ANKRD66: variants seen among roughly 807,000 people sequenced by gnomAD.
ANKRD66 encodes ankyrin repeat domain-containing protein 66.
A neutral mutation model predicts 10.9 loss-of-function variants in ANKRD66; 10 were observed. That is an observed-to-expected ratio of 0.91 (90% CI 0.56 to 1.55). The LOEUF is 1.55. ANKRD66 is among the 40% of genes most tolerant of loss of function. The pLI is 0.00. For missense variants in ANKRD66, 252 were observed against 242.9 expected (o/e 1.04, Z -0.25); for synonymous variants, 85 against 88.4 (o/e 0.96, Z 0.22).
At chr6:46,754,840 A>G (rs1766349424) in intron 4 of ANKRD66, among the ~76,000 whole-genome samples, 1 of 152,198 alleles carries the variant, frequency 6.6e-6, no homozygotes, top group Non-Finnish European at 1.5e-5. Context: ...TGCTTTGGGG[A>G]GTAAAGAGGC....
At chr6:46,751,839 C>T (rs6901073) in intron 2 of ANKRD66, 98 bp from the exon 3 acceptor site, 216,018 of 1,230,404 alleles carry the variant, frequency 0.18, 21,284 homozygotes, top group African/African-American at 0.37. Context: ...CAAATGCATG[C>T]GGCAGGAAAG....
chr6:46,758,316 A>G (rs1766419852), intron 4 of ANKRD66: 1 of 158,016 alleles, frequency 6.3e-6, no homozygotes, highest in Admixed American at 6.3e-5. Context: ...AGTGATTCTC[A>G]TTTTGTTCCT....
chr6:46,749,871 T>C (rs1766230756), intron 1 of ANKRD66, 25 bp from the exon 2 acceptor site: 4 of 1,543,360 alleles, frequency 2.6e-6, no homozygotes, highest in Non-Finnish European at 3.5e-6. Context: ...TTTAATTACG[T>C]TTACTTTTCT....
At chr6:46,752,529 C>T (rs1051255149) in intron 3 of ANKRD66, among the ~76,000 whole-genome samples, 6 of 152,248 alleles carry the variant, frequency 3.9e-5, no homozygotes, top group South Asian at 2.1e-4. Context: ...GCCACCACGC[C>T]TGGCCCCAGA....
intron 3 of ANKRD66, 54 bp downstream of exon 3, chr6:46,752,165 G>T: frequency 7.3e-7 from 1 of 1,366,264 alleles, no homozygotes; most frequent in Non-Finnish European, 9.5e-7. Flanking sequence ...CATTCATGAG[G>T]CTATCAATCA....
chr6:46,748,809 CA>C (rs1766199132), intron 1 of ANKRD66, among the ~76,000 whole-genome samples: 1 of 152,304 alleles, frequency 6.6e-6, no homozygotes, highest in African/African-American at 2.4e-5. Context: ...ATTTTGCTTC[CA>C]GCCAGTCTAT....
At chr6:46,747,517 G>C (rs1308475910) in intron 1 of ANKRD66, among the ~76,000 whole-genome samples, 2 of 152,162 alleles carry the variant, frequency 1.3e-5, no homozygotes, top group Non-Finnish European at 2.9e-5. Context: ...ATCTAGATTT[G>C]CTTATTCTGG....
chr6:46,747,282 G>GT (rs894471045), intron 1 of ANKRD66, among the ~76,000 whole-genome samples: 4 of 152,110 alleles, frequency 2.6e-5, no homozygotes, highest in Admixed American at 1.3e-4. Flanking sequence ...CTAATTAATA[G>GT]TTTTTTGTAA....
intron 4 of ANKRD66, among the ~76,000 whole-genome samples, chr6:46,755,173 G>T (rs868592456): frequency 1.3e-5 from 2 of 151,888 alleles, no homozygotes; most frequent in Admixed American, 1.3e-4. Flanking sequence ...CTCTCTTCCC[G>T]CTATTCCTGC....
At chr6:46,754,263 G>A (rs957894726) in intron 4 of ANKRD66, among the ~76,000 whole-genome samples, 1 of 152,092 alleles carries the variant, frequency 6.6e-6, no homozygotes, top group South Asian at 2.1e-4. Context: ...TTTCTAAAAG[G>A]CATCCAAACT....
intron 4 of ANKRD66, among the ~76,000 whole-genome samples, chr6:46,754,323 C>T (rs755457498): frequency 5.3e-5 from 8 of 152,274 alleles, no homozygotes; most frequent in Middle Eastern, 3.4e-3. Context: ...CCTCAGTTTT[C>T]TCATATTTAA....
intron 4 of ANKRD66, chr6:46,757,625 C>T (rs2150728789): frequency 6.6e-6 from 1 of 152,180 alleles, no homozygotes; most frequent in South Asian, 2.1e-4. Context: ...GGCTCCTGGG[C>T]TAGGTGATGA....
At chr6:46,750,192 C>G (rs1766238988) in intron 2 of ANKRD66, among the ~76,000 whole-genome samples, 1 of 152,176 alleles carries the variant, frequency 6.6e-6, no homozygotes. Flanking sequence ...GTCAGCAGCT[C>G]TCAACCTTTT....
intron 3 of ANKRD66, among the ~76,000 whole-genome samples, chr6:46,753,470 T>C (rs1766311148): frequency 6.6e-6 from 1 of 150,486 alleles, no homozygotes; most frequent in South Asian, 2.1e-4. Flanking sequence ...GGGAGGGGAG[T>C]GTCCTGGAAG....
intron 3 of ANKRD66, among the ~76,000 whole-genome samples, chr6:46,753,222 C>A (rs949388387): frequency 6.6e-6 from 1 of 152,148 alleles, no homozygotes; most frequent in East Asian, 1.9e-4. Flanking sequence ...ATATTTGTTT[C>A]TTGTCTGAGG....
Position 46,758,909 on chromosome 6 carries a change from G to C in ANKRD66, c.579G>C (p.Gly193=), listed in dbSNP as rs1416605329. 2 of 1,549,854 alleles carry C rather than the reference G, an allele frequency of 1.3e-6. No homozygotes were observed. Among genetic ancestry groups the C allele is most frequent in the Non-Finnish European group, 1.7e-6 (2 of 1,146,266 alleles). The change falls in exon 5 of 5, where the codon GGG becomes GGC. Residue 193 remains glycine, a synonymous_variant. Transcript: ENST00000565422. ...RGPTRPSNTK[G]RRV ...CCACCAGGCCCAGCAATACCAAGGG[G>C]AGGAGAGTATGAGAACTCAACCTTA... is the stretch of plus-strand genomic sequence containing the variant.
intron 4 of ANKRD66, 42 bp downstream of exon 4, chr6:46,753,992 C>A: frequency 6.7e-7 from 1 of 1,490,556 alleles, no homozygotes; most frequent in South Asian, 1.2e-5. Context: ...AGCAGAGGAA[C>A]AGGAGTCTGT....
At chr6:46,753,677 C>T in intron 3 of ANKRD66, 45 bp from the exon 4 acceptor site, 1 of 1,482,390 alleles carries the variant, frequency 6.7e-7, no homozygotes, top group Non-Finnish European at 9.0e-7. Context: ...CCACTTGGGA[C>T]ATCTTTATCC....
intron 4 of ANKRD66, among the ~76,000 whole-genome samples, chr6:46,755,529 C>A (rs1281707086): frequency 6.6e-6 from 1 of 152,210 alleles, no homozygotes; most frequent in South Asian, 2.1e-4. Flanking sequence ...GCCGTCCTGT[C>A]CCTCCTTTGT....
Sources: gnomAD v4.1 joint callset for allele counts (sites outside exome capture counted in the v4.1 genomes callset) on GRCh38, gnomAD v4.1.1 for gene constraint, MANE v1.5 for transcripts, NCBI Gene and HGNC (gene_info 2026-07-23, HGNC 2026-07-21) for gene names.